The following UNC5D variants were observed in gnomAD, a reference collection of about 807,000 sequenced individuals.
UNC5D encodes the protein unc-5 netrin receptor D, also known as netrin receptor UNC5D.
UNC5D carries 39 observed loss-of-function variants against 105.4 expected under a neutral mutation model. That is an observed-to-expected ratio of 0.37 (90% CI 0.29 to 0.48). The LOEUF (loss-of-function observed/expected upper bound fraction) is 0.48, where lower values mean the gene tolerates loss of function less well. UNC5D is among the 20% of genes least tolerant of loss of function. UNC5D has a pLI of 0.98. For missense variants in UNC5D, 991 were observed against 1,202.4 expected (o/e 0.82, Z 2.60); for synonymous variants, 452 against 450.4 (o/e 1.00, Z -0.04).
intron 1 of UNC5D, among the ~76,000 whole-genome samples, chr8:35,251,383 A>G (rs1234372184): frequency 1.3e-5 from 2 of 152,002 alleles, no homozygotes; most frequent in East Asian, 3.9e-4. Flanking sequence ...AACCACCCCC[A>G]TGATTCAATT....
At chr8:35,564,515 C>T (rs1013312489) in intron 2 of UNC5D, among the ~76,000 whole-genome samples, 2 of 152,130 alleles carry the variant, frequency 1.3e-5, no homozygotes, top group Admixed American at 6.6e-5. Context: ...GCCCTGTTCT[C>T]CAGAGCCTAG....
intron 1 of UNC5D, among the ~76,000 whole-genome samples, chr8:35,499,213 A>T (rs2130217341): frequency 6.6e-6 from 1 of 152,326 alleles, no homozygotes; most frequent in South Asian, 2.1e-4. Context: ...TTTATTTTTT[A>T]CTATCCTCCT....
chr8:35,527,647 A>G (rs1239627035), intron 1 of UNC5D, among the ~76,000 whole-genome samples: 1 of 151,958 alleles, frequency 6.6e-6, no homozygotes, highest in African/African-American at 2.4e-5. Context: ...GGTTCAAGCG[A>G]TTCTCCTGTC....
At chr8:35,305,129 C>G (rs530347467) in intron 1 of UNC5D, among the ~76,000 whole-genome samples, 1 of 152,114 alleles carries the variant, frequency 6.6e-6, no homozygotes, top group South Asian at 2.1e-4. Flanking sequence ...ATTATGATAG[C>G]GGTCATCAAA....
At chr8:35,659,728 G>A (rs950261899) in intron 4 of UNC5D, among the ~76,000 whole-genome samples, 1 of 152,248 alleles carries the variant, frequency 6.6e-6, no homozygotes, top group Non-Finnish European at 1.5e-5. Context: ...TGTTCCATGA[G>A]AATGGCTTCT....
chr8:35,406,291 C>A (rs1376978484), intron 1 of UNC5D, among the ~76,000 whole-genome samples: 1 of 152,034 alleles, frequency 6.6e-6, no homozygotes, highest in Non-Finnish European at 1.5e-5. Context: ...TATTTGCATC[C>A]TGAGGTATTG....
chr8:35,659,650 G>T (rs1004910767), intron 4 of UNC5D, among the ~76,000 whole-genome samples: 1 of 152,204 alleles, frequency 6.6e-6, no homozygotes, highest in African/African-American at 2.4e-5. Flanking sequence ...CTATGTGGAG[G>T]TATGAACTCA....
At chr8:35,328,210 C>G (rs1317112986) in intron 1 of UNC5D, among the ~76,000 whole-genome samples, 1 of 122,996 alleles carries the variant, frequency 8.1e-6, no homozygotes, top group Non-Finnish European at 1.7e-5. Flanking sequence ...ATGCTTTTAA[C>G]AAAGATTTAC....
At chr8:35,584,338 G>A (rs1356581462) in intron 3 of UNC5D, among the ~76,000 whole-genome samples, 1 of 152,094 alleles carries the variant, frequency 6.6e-6, no homozygotes, top group African/African-American at 2.4e-5. Context: ...TGTGTGCTAA[G>A]AGGATCATGA....
chr8:35,508,353 T>G (rs1289583813), intron 1 of UNC5D, among the ~76,000 whole-genome samples: 5 of 152,238 alleles, frequency 3.3e-5, no homozygotes, highest in Non-Finnish European at 7.3e-5. Flanking sequence ...GTCTAGATTA[T>G]TTTAATGTTT....
chr8:35,238,941 C>T (rs1455894750), intron 1 of UNC5D, among the ~76,000 whole-genome samples: 1 of 152,180 alleles, frequency 6.6e-6, no homozygotes, highest in Admixed American at 6.5e-5. Flanking sequence ...TTCCTTCCCA[C>T]TTTACTTCTT....
intron 1 of UNC5D, among the ~76,000 whole-genome samples, chr8:35,403,359 A>G (rs536030458): frequency 5.2e-4 from 79 of 152,152 alleles, no homozygotes; most frequent in African/African-American, 1.8e-3. Context: ...CCTAAAGCCT[A>G]CTCCTTAGAG....
chr8:35,438,123 C>CA (rs797015193), intron 1 of UNC5D, among the ~76,000 whole-genome samples: 84 of 151,114 alleles, frequency 5.6e-4, no homozygotes, highest in Middle Eastern at 3.4e-3. Context: ...AAACAAAAAA[C>CA]AAAAAAAACC....
chr8:35,484,706 A>G (rs1369677126), intron 1 of UNC5D, among the ~76,000 whole-genome samples: 1 of 152,174 alleles, frequency 6.6e-6, no homozygotes, highest in Non-Finnish European at 1.5e-5. Flanking sequence ...CTTTGACTTA[A>G]TATCATGGAT....
intron 1 of UNC5D, among the ~76,000 whole-genome samples, chr8:35,539,799 A>G (rs542612759): frequency 2.7e-4 from 41 of 152,320 alleles, no homozygotes; most frequent in African/African-American, 8.4e-4. Context: ...CTGACATCTA[A>G]CAGGAGTGTA....
intron 1 of UNC5D, among the ~76,000 whole-genome samples, chr8:35,270,868 TA>T (rs61641330): frequency 0.82 from 123,243 of 151,048 alleles, 50,727 homozygotes; most frequent in East Asian, 1. Context: ...GTGGCTGCAA[TA>T]AAAAAAAAAT....
At position 35,373,143 on chromosome 8, in the gene UNC5D, T is replaced by C. The variant is rs368836713; in HGVS notation, c.103+137256T>C. On this transcript the variant is annotated intron_variant, in intron 1 of 16. Coordinates refer to ENST00000404895, the MANE Select transcript of UNC5D (RefSeq NM_080872.4). ...CGTGTACTTCTTCTGTGGCTTCCTA[T>C]GTAAAAATAAATAGCATCACTAATG... is the stretch of plus-strand genomic sequence containing the variant. 9.9e-5 allele frequency among the ~76,000 whole-genome samples: 15 copies of C among 152,224 alleles called. No homozygotes were observed. In the East Asian group the frequency reaches 2.3e-3, roughly 23 times the overall value.
Position 35,774,349 on chromosome 8 carries a change from T to G in UNC5D, c.2529T>G (p.Pro843=). The change falls in exon 16 of 17, where the codon CCT becomes CCG. Residue 843 remains proline, a synonymous_variant. Coordinates refer to ENST00000404895, the MANE Select transcript of UNC5D (RefSeq NM_080872.4). ...TCGCACAAGAGGACAGCACTTTCCC[T>G]GCACAGACTGGCCCCAAAGCCTTCA... is the stretch of plus-strand genomic sequence containing the variant. ...TFFAQEDSTF[P]AQTGPKAFKI... is the part of the protein sequence containing the mutation. 1 of 1,614,162 alleles carries G rather than the reference T, an allele frequency of 6.2e-7. No homozygotes were observed. The highest frequency in any genetic ancestry group is 8.5e-7 in the Non-Finnish European group (1 of 1,179,996).
Position 35,684,576 on chromosome 8 carries a change from T to G in UNC5D, c.752-6T>G. The G allele has an allele frequency of 6.2e-7, 1 of 1,607,698 alleles. No individual in the cohort carries two copies. Among genetic ancestry groups the G allele is most frequent in the East Asian group, 2.2e-5 (1 of 44,816 alleles). On this transcript the variant is annotated splice_polypyrimidine_tract_variant and splice_region_variant and intron_variant, in intron 5 of 16. Coordinates refer to ENST00000404895, the MANE Select transcript of UNC5D (RefSeq NM_080872.4). ...TTTTTCTCCCCTCCCCATTTTTCTC[T>G]CTCAGTGAATGGAGGCTGGTCTTCC... is the stretch of plus-strand genomic sequence containing the variant.
Sources: gnomAD v4.1 joint callset for allele counts (sites outside exome capture counted in the v4.1 genomes callset) on GRCh38, gnomAD v4.1.1 for gene constraint, MANE v1.5 for transcripts, NCBI Gene and HGNC (gene_info 2026-07-23, HGNC 2026-07-21) for gene names.